Variants in OR4K1 observed in about 807,000 individuals in gnomAD.
The protein encoded by OR4K1 is olfactory receptor 4K1.
OR4K1 carries 16 observed loss-of-function variants against 14.4 expected under a neutral mutation model. That is an observed-to-expected ratio of 1.11 (90% CI 0.75 to 1.68). OR4K1 has a LOEUF of 1.68. Ranked by LOEUF, OR4K1 falls within the 40% of genes most tolerant of loss-of-function variation. The probability of loss-of-function intolerance (pLI) is 0.00; values close to 1 mark genes in which losing one functional copy is unlikely to be tolerated. For synonymous variants in OR4K1, 181 were observed against 133.1 expected, an observed-to-expected ratio of 1.36 and a Z score of -2.48; for missense variants, 548 against 376.9, an observed-to-expected ratio of 1.45 and a Z score of -3.76.
At chr14:19,926,452 G>A (rs1882065526), upstream of OR4K1, among the ~76,000 whole-genome samples, 1 of 152,246 alleles carries the variant, frequency 6.6e-6, no homozygotes, top group Non-Finnish European at 1.5e-5. Context: ...TGACATACAA[G>A]AAGGTTAGCA....
the OR4K1 span, among the ~76,000 whole-genome samples, chr14:19,923,072 T>C: frequency 6.6e-6 from 1 of 152,292 alleles, no homozygotes; most frequent in Non-Finnish European, 1.5e-5. Context: ...ATTTCATCGC[T>C]TTGTAACTCA....
upstream of OR4K1, among the ~76,000 whole-genome samples, chr14:19,930,423 G>A (rs543057561): frequency 7.2e-5 from 11 of 152,254 alleles, no homozygotes; most frequent in African/African-American, 1.9e-4. Flanking sequence ...ATTTATATAG[G>A]GAATAAATGA....
At chr14:19,922,321 T>C in the OR4K1 span, among the ~76,000 whole-genome samples, 3 of 152,264 alleles carry the variant, frequency 2.0e-5, no homozygotes, top group African/African-American at 7.2e-5. Flanking sequence ...GTTCCTACAG[T>C]GCAGCTGCCA....
At chr14:19,921,659 GA>G in the OR4K1 span, 2 of 1,364,294 alleles carry the variant, frequency 1.5e-6, no homozygotes, top group Non-Finnish European at 2.0e-6. Flanking sequence ...CAATTGTGGG[GA>G]AAGTAGTGAA....
At chr14:19,926,361 C>T (rs992997405), upstream of OR4K1, among the ~76,000 whole-genome samples, 2 of 152,202 alleles carry the variant, frequency 1.3e-5, no homozygotes, top group African/African-American at 4.8e-5. Context: ...CCTGAGGGAA[C>T]TTAATGGTCA....
At chr14:19,929,281 T>C (rs1249436751), upstream of OR4K1, among the ~76,000 whole-genome samples, 6 of 149,034 alleles carry the variant, frequency 4.0e-5, no homozygotes, top group Non-Finnish European at 5.9e-5. Context: ...CTGGATACTA[T>C]TCTGTTTCAT....
the OR4K1 span, chr14:19,920,764 C>T: frequency 1.2e-5 from 20 of 1,614,022 alleles, no homozygotes; most frequent in African/African-American, 2.0e-4. Context: ...ACTTCTGATA[C>T]CAGCCTGCAC....
chr14:19,934,786 T>G (rs1882266876), intron 1 of OR4K1, among the ~76,000 whole-genome samples: 1 of 152,178 alleles, frequency 6.6e-6, no homozygotes, highest in African/African-American at 2.4e-5. Flanking sequence ...TTCTCCTGCC[T>G]CAGCCTCCCA....
chr14:19,924,495 C>T, the OR4K1 span, among the ~76,000 whole-genome samples: 3 of 149,838 alleles, frequency 2.0e-5, no homozygotes, highest in Middle Eastern at 3.3e-3. Flanking sequence ...TTTTAATAAT[C>T]GCCATCCTGA....
the OR4K1 span, chr14:19,921,500 A>G: frequency 3.8e-4 from 621 of 1,613,990 alleles, no homozygotes; most frequent in African/African-American, 7.1e-3. Flanking sequence ...AGGCTGCCGT[A>G]AGGAAAATTG....
At chr14:19,935,621 G>A in intron 1 of OR4K1, 27 bp from the exon 2 acceptor site, 1 of 1,462,482 alleles carries the variant, frequency 6.8e-7, no homozygotes. Context: ...CAATCATTGT[G>A]ACATTTTTCT....
In OR4K1 at chr14:19,935,635, T is replaced by A. The variant is rs1162846863; in HGVS notation, c.-19-13T>A. On this transcript the variant is annotated splice_polypyrimidine_tract_variant and intron_variant, in intron 1 of 1. Coordinates refer to ENST00000641172, the MANE Select transcript of OR4K1 (RefSeq NM_001004063.3). ...CCAATCATTGTGACATTTTTCTGAT[T>A]TCTTTTTTTTAGGTAACTGAATATT... is the stretch of plus-strand genomic sequence containing the variant. 1 of 1,525,852 alleles carries A rather than the reference T, an allele frequency of 6.6e-7. No individual in the cohort carries two copies. The highest frequency in any genetic ancestry group is 8.8e-7 in the Non-Finnish European group (1 of 1,132,496). The allele number at this position is 1,525,852 out of a possible 1,614,324, so 94.5% of individuals were successfully genotyped here.
In OR4K1 at chr14:19,935,771, T is replaced by C; in HGVS notation, c.105T>C (p.Tyr35=). 6.2e-7 allele frequency: 1 copy of C among 1,614,216 alleles called. No individual in the cohort carries two copies. The highest frequency in any genetic ancestry group is 1.1e-5 in the South Asian group (1 of 91,090). Reference sequence around the variant, plus strand: ...TTTTTGCCATCTTCTCTATAGTCTATGTGACATCAGTGCTAGGCAATGTCT... The same window carrying C: ...TTTTTGCCATCTTCTCTATAGTCTACGTGACATCAGTGCTAGGCAATGTCT... ...LFFFAIFSIV[Y]VTSVLGNVLI... Residue 35 remains tyrosine, a synonymous_variant, in exon 2 of 2, where the codon TAT becomes TAC. Coordinates refer to ENST00000641172, the MANE Select transcript of OR4K1 (RefSeq NM_001004063.3).
At chr14:19,920,513 C>A in the OR4K1 span, 2 of 1,430,840 alleles carry the variant, frequency 1.4e-6, no homozygotes, top group Non-Finnish European at 1.9e-6. Flanking sequence ...ATCTCAGAAT[C>A]CCTCACCTTA....
chr14:19,921,250 T>C, the OR4K1 span: 1 of 1,614,208 alleles, frequency 6.2e-7, no homozygotes, highest in Non-Finnish European at 8.5e-7. Context: ...TCTCTCTTGG[T>C]CAGCTCCTAC....
At chr14:19,927,956 C>T (rs1443267434), upstream of OR4K1, among the ~76,000 whole-genome samples, 2 of 152,176 alleles carry the variant, frequency 1.3e-5, no homozygotes, top group Non-Finnish European at 2.9e-5. Context: ...AGAGGTGTGA[C>T]AATAGAGACA....
At chr14:19,930,843 C>G (rs1882168752), upstream of OR4K1, 1 of 152,214 alleles carries the variant, frequency 6.6e-6, no homozygotes, top group Non-Finnish European at 1.5e-5. Flanking sequence ...CCAATGAAAT[C>G]AGTTTTCTAG....
At chr14:19,934,806 G>GA (rs1457641919) in intron 1 of OR4K1, among the ~76,000 whole-genome samples, 3 of 152,156 alleles carry the variant, frequency 2.0e-5, no homozygotes, top group Non-Finnish European at 4.4e-5. Context: ...AAGTAGGGGG[G>GA]AATACAGGTG....
At chr14:19,923,553 C>A in the OR4K1 span, among the ~76,000 whole-genome samples, 2 of 152,042 alleles carry the variant, frequency 1.3e-5, no homozygotes, top group Non-Finnish European at 2.9e-5. Context: ...AGAATGACAT[C>A]TTTTACAAAT....
Sources: allele counts gnomAD v4.1 joint callset (sites outside exome capture counted in the v4.1 genomes callset), GRCh38; gene constraint gnomAD v4.1.1; transcripts MANE v1.5; gene names NCBI Gene and HGNC (gene_info 2026-07-23, HGNC 2026-07-21).